QPCTL: variants seen among roughly 807,000 people sequenced by gnomAD.
QPCTL encodes the protein glutaminyl-peptide cyclotransferase like.
Under a neutral mutation model 34.6 loss-of-function variants are expected in QPCTL, and 31 were observed. That is an observed-to-expected ratio of 0.90 (90% CI 0.67 to 1.21). The LOEUF (loss-of-function observed/expected upper bound fraction) is 1.21. Ranked by LOEUF, QPCTL falls within the 50% of genes most tolerant of loss-of-function variation. The probability of loss-of-function intolerance (pLI) is 0.00; values close to 1 mark genes in which losing one functional copy is unlikely to be tolerated. For synonymous variants in QPCTL, 223 were observed against 226.9 expected (o/e 0.98, Z 0.15); for missense variants, 474 against 507.8 (o/e 0.93, Z 0.64).
At position 45,703,530 on chromosome 19, in the gene QPCTL, C is replaced by T. The variant is rs986992643; in HGVS notation, c.*481C>T. On this transcript the variant is annotated 3_prime_UTR_variant, in exon 7 of 7. Coordinates refer to ENST00000012049, the MANE Select transcript of QPCTL (RefSeq NM_017659.4). ...ATTTTTAGTAGAGACGGGGTTTCACCGTGTTAGCCAGGATGGTCTCGATCT... is the reference window on the plus strand; with the variant it reads ...ATTTTTAGTAGAGACGGGGTTTCACTGTGTTAGCCAGGATGGTCTCGATCT... 5.6e-4 allele frequency: 86 copies of T among 153,840 alleles called. 1 individual carries two copies. The highest frequency in any genetic ancestry group is 5.1e-4 in the Admixed American group (8 of 15,574). 9.5% of individuals were successfully genotyped at this position (153,840 alleles called of 1,614,324 possible). A position where few individuals can be genotyped will look rare whatever the true frequency, so the allele number is the denominator to read the frequency against.
Sources: gnomAD v4.1 joint callset for allele counts on GRCh38, gnomAD v4.1.1 for gene constraint, MANE v1.5 for transcripts, NCBI Gene and HGNC (gene_info 2026-07-23, HGNC 2026-07-21) for gene names.